CTBP2: variants seen among roughly 807,000 people sequenced by gnomAD.
CTBP2 encodes C-terminal binding protein 2.
In CTBP2, 30 loss-of-function variants were observed where a neutral mutation model predicts 80.3. The observed-to-expected ratio is 0.37, with a 90% CI of 0.28 to 0.51. The LOEUF is 0.51. CTBP2 is among the 20% of genes least tolerant of loss of function. The pLI is 0.93. For missense variants in CTBP2, 1,212 were observed against 1,375.3 expected (o/e 0.88, Z 1.88); for synonymous variants, 594 against 587.4 (o/e 1.01, Z -0.16).
rs1308856179 is a variant in CTBP2, at chr10:124,988,385, CT to C, written c.*1132del. 1 of 152,616 alleles carries C rather than the reference CT, an allele frequency of 6.6e-6. No homozygotes were observed. The highest frequency in any genetic ancestry group is 6.5e-5 in the Admixed American group (1 of 15,276). 9.5% of individuals were successfully genotyped at this position (152,616 alleles called of 1,614,324 possible). A position where few individuals can be genotyped will look rare whatever the true frequency, so the allele number is the denominator to read the frequency against. On this transcript the variant is annotated 3_prime_UTR_variant, in exon 9 of 9. Coordinates refer to ENST00000309035, the MANE Select transcript of CTBP2 (RefSeq NM_022802.3). Reference sequence around the variant, plus strand: ...ACTGCACTGAACGCTAAATGTCCACCTTTACAATAAACAAATACAGTAACGG... The same window carrying C: ...ACTGCACTGAACGCTAAATGTCCACCTTACAATAAACAAATACAGTAACGG...
chr10:125,083,720 C>T (rs1479223445), intron 2 of CTBP2, among the ~76,000 whole-genome samples: 2 of 152,184 alleles, frequency 1.3e-5, no homozygotes, highest in Non-Finnish European at 2.9e-5. Flanking sequence ...AGCCGTCCTG[C>T]CACGTCAGCT....
intron 1 of CTBP2, among the ~76,000 whole-genome samples, chr10:125,016,433 A>G (rs116380529): frequency 0.015 from 2,303 of 152,310 alleles, 36 homozygotes; most frequent in African/African-American, 0.045. Flanking sequence ...GAAATGAACA[A>G]CACGTCCTCC....
chr10:125,067,618 C>G (rs1367332990), intron 2 of CTBP2, among the ~76,000 whole-genome samples: 2 of 152,188 alleles, frequency 1.3e-5, no homozygotes, highest in African/African-American at 4.8e-5. Context: ...TCTCAAAACC[C>G]AGGCAAAGGA....
intron 3 of CTBP2, among the ~76,000 whole-genome samples, chr10:125,037,511 T>A (rs2949368): frequency 1.3e-5 from 2 of 151,994 alleles, no homozygotes; most frequent in Non-Finnish European, 2.9e-5. Flanking sequence ...CTGGTGAACC[T>A]ATACTGTGGA....
intron 1 of CTBP2, among the ~76,000 whole-genome samples, chr10:125,139,928 C>G (rs145301980): frequency 1.3e-5 from 2 of 152,060 alleles, no homozygotes; most frequent in Non-Finnish European, 2.9e-5. Flanking sequence ...TCTCACCATC[C>G]GAAAGCAGAC....
In CTBP2 at chr10:125,101,681, C is replaced by T. The variant is rs563945152; in HGVS notation, c.-102+9309G>A. Among the ~76,000 whole-genome samples, 19 of 152,310 alleles carry T rather than the reference C, an allele frequency of 1.2e-4. No individual in the cohort carries two copies. In the South Asian group the frequency reaches 3.7e-3, roughly 30 times the overall value. ...TCACGACCAAGAAAGGTTTGAGTTC[C>T]GTTCGTCTTGCATCGAAATGTTCAT... On this transcript the variant is annotated intron_variant, in intron 2 of 10. Coordinates refer to the CTBP2 transcript ENST00000337195.
chr10:125,031,488 CAAAAAAAAAAAAAA>C (rs11463934), upstream of CTBP2, among the ~76,000 whole-genome samples: 62 of 33,704 alleles, frequency 1.8e-3, 1 homozygote, highest in African/African-American at 7.0e-3. Flanking sequence ...GACTCCATTT[CAAAAAAAAAAAAAA>C]AAAAAAAAAA....
At chr10:125,134,062 G>A (rs1435500348) in intron 1 of CTBP2, among the ~76,000 whole-genome samples, 1 of 152,198 alleles carries the variant, frequency 6.6e-6, no homozygotes, top group Non-Finnish European at 1.5e-5. Context: ...AAAAGGACAC[G>A]ATCAGAAGGA....
intron 2 of CTBP2, among the ~76,000 whole-genome samples, chr10:125,078,714 C>A (rs1279965676): frequency 6.6e-6 from 1 of 152,160 alleles, no homozygotes; most frequent in East Asian, 1.9e-4. Flanking sequence ...AGGAGGACTT[C>A]TTCAGATACC....
At chr10:125,049,737 G>A (rs994879119) in intron 2 of CTBP2, among the ~76,000 whole-genome samples, 9 of 152,104 alleles carry the variant, frequency 5.9e-5, no homozygotes, top group Non-Finnish European at 8.8e-5. Context: ...CCAAGTGTCC[G>A]GAGAGATTAT....
intron 2 of CTBP2, among the ~76,000 whole-genome samples, chr10:125,095,253 G>C (rs982609040): frequency 3.3e-5 from 5 of 152,148 alleles, no homozygotes; most frequent in Non-Finnish European, 7.4e-5. Flanking sequence ...TACTGACAAA[G>C]GCAAACAGAG....
intron 2 of CTBP2, among the ~76,000 whole-genome samples, chr10:125,099,584 C>T (rs1850284783): frequency 6.6e-6 from 1 of 152,200 alleles, no homozygotes; most frequent in South Asian, 2.1e-4. Context: ...ATTCCTCACT[C>T]TCAATAAAGC....
chr10:125,112,490 G>T (rs1376507855), intron 1 of CTBP2, among the ~76,000 whole-genome samples: 7 of 148,604 alleles, frequency 4.7e-5, no homozygotes, highest in Admixed American at 1.4e-4. Context: ...GTGCAATGGC[G>T]CCGTCTCGGC....
intron 2 of CTBP2, among the ~76,000 whole-genome samples, chr10:125,083,453 C>A (rs547361751): frequency 2.6e-5 from 4 of 152,304 alleles, no homozygotes; most frequent in East Asian, 1.9e-4. Context: ...CATGTGCAGA[C>A]CCCCGACCTG....
intron 1 of CTBP2, among the ~76,000 whole-genome samples, chr10:125,007,597 C>A (rs1045404578): frequency 6.6e-6 from 1 of 152,160 alleles, no homozygotes; most frequent in African/African-American, 2.4e-5. Context: ...GCTGCTTTCT[C>A]GGATACAGGC....
intron 1 of CTBP2, among the ~76,000 whole-genome samples, chr10:125,140,760 T>C (rs1591042156): frequency 6.6e-6 from 1 of 151,564 alleles, no homozygotes. Flanking sequence ...AAGGTGGAGG[T>C]TGCAGTGAGC....
At chr10:125,081,653 CAAAAGA>C (rs893558025) in intron 2 of CTBP2, among the ~76,000 whole-genome samples, 4 of 150,310 alleles carry the variant, frequency 2.7e-5, no homozygotes, top group African/African-American at 9.8e-5. Flanking sequence ...GTAATTATGT[CAAAAGA>C]AAAAGTTAAA....
In CTBP2 at chr10:125,026,599, G is replaced by C; in HGVS notation, c.1161C>G (p.Gly387=). 7.7e-7 allele frequency: 1 copy of C among 1,306,794 alleles called. No homozygotes were observed. 80.9% of individuals were successfully genotyped at this position (1,306,794 alleles called of 1,614,324 possible). A position where few individuals can be genotyped will look rare whatever the true frequency, so the allele number is the denominator to read the frequency against. ...ATGCTGTCTGCAGAGGAGCCGCAGC[G>C]CCCAGAGAAGCCAAGTCACCATGGA... The change falls in exon 1 of 9, where the codon GGC becomes GGG. Residue 387 remains glycine (G), a synonymous_variant. Transcript: ENST00000309035.
intron 1 of CTBP2, among the ~76,000 whole-genome samples, chr10:125,151,959 T>C (rs1156533773): frequency 1.3e-5 from 2 of 151,978 alleles, no homozygotes; most frequent in Admixed American, 1.3e-4. Flanking sequence ...TCTCAACGAC[T>C]TCCCCGCGGC....
Sources: allele counts gnomAD v4.1 joint callset (sites outside exome capture counted in the v4.1 genomes callset), GRCh38; gene constraint gnomAD v4.1.1; transcripts MANE v1.5; gene names NCBI Gene and HGNC (gene_info 2026-07-23, HGNC 2026-07-21).